DOCK8: variants seen among roughly 807,000 people sequenced by gnomAD.
The protein encoded by DOCK8 is dedicator of cytokinesis protein 8.
DOCK8 carries 141 observed loss-of-function variants against 245.6 expected under a neutral mutation model. The observed-to-expected ratio is 0.57, with a 90% CI of 0.50 to 0.66. The LOEUF (loss-of-function observed/expected upper bound fraction) is 0.66, where lower values mean the gene tolerates loss of function less well. Ranked by LOEUF, DOCK8 falls within the 30% of genes least tolerant of loss-of-function variation. The probability of loss-of-function intolerance (pLI) is 0.00; values close to 1 mark genes in which losing one functional copy is unlikely to be tolerated. For missense variants in DOCK8, 2,965 were observed against 2,603.4 expected, an observed-to-expected ratio of 1.14 and a Z score of -3.02; for synonymous variants, 1,168 against 970.2, an observed-to-expected ratio of 1.20 and a Z score of -3.79.
At chr9:390,632 T>A in intron 24 of DOCK8, 66 bp downstream of exon 24, 1 of 1,518,232 alleles carries the variant, frequency 6.6e-7, no homozygotes, top group Non-Finnish European at 9.1e-7. Context: ...AGAAAGGAAT[T>A]GACATTTTGT....
At chr9:384,606 A>T (rs1289471725) in intron 22 of DOCK8, among the ~76,000 whole-genome samples, 3 of 152,084 alleles carry the variant, frequency 2.0e-5, no homozygotes, top group African/African-American at 7.2e-5. Flanking sequence ...AGAACCATCT[A>T]CCCTGGGTCT....
chr9:255,881 G>C (rs1041237932), intron 1 of DOCK8, among the ~76,000 whole-genome samples: 7 of 151,972 alleles, frequency 4.6e-5, no homozygotes, highest in Admixed American at 4.6e-4. Flanking sequence ...TAGAAGGGTT[G>C]GTATTTTTAT....
chr9:214,814 G>C (rs1192879924), upstream of DOCK8: 2 of 1,594,660 alleles, frequency 1.3e-6, no homozygotes, highest in Non-Finnish European at 8.5e-7. Flanking sequence ...ACCCTCCCCC[G>C]GGGTGATTTC....
At chr9:247,153 T>A (rs1036230698) in intron 1 of DOCK8, among the ~76,000 whole-genome samples, 4 of 152,232 alleles carry the variant, frequency 2.6e-5, no homozygotes, top group African/African-American at 9.6e-5. Flanking sequence ...CACTTACAGC[T>A]GAATTGGAAT....
At chr9:290,487 C>T (rs896885372) in intron 4 of DOCK8, among the ~76,000 whole-genome samples, 19 of 152,252 alleles carry the variant, frequency 1.2e-4, no homozygotes, top group African/African-American at 2.9e-4. Flanking sequence ...AGGTGGCATT[C>T]GAGTTTATGA....
At chr9:403,166 G>A (rs922874755) in intron 26 of DOCK8, among the ~76,000 whole-genome samples, 4 of 152,206 alleles carry the variant, frequency 2.6e-5, no homozygotes, top group African/African-American at 9.7e-5. Context: ...TGGGATTACA[G>A]GTGTGAGCCA....
At chr9:236,609 G>C (rs2047255106) in intron 1 of DOCK8, among the ~76,000 whole-genome samples, 1 of 152,174 alleles carries the variant, frequency 6.6e-6, no homozygotes, top group Non-Finnish European at 1.5e-5. Flanking sequence ...CCAGGAGCCT[G>C]GCTTAAAGAA....
chr9:417,531 T>C (rs1215905983), intron 29 of DOCK8, among the ~76,000 whole-genome samples: 1 of 152,180 alleles, frequency 6.6e-6, no homozygotes, highest in Non-Finnish European at 1.5e-5. Context: ...GTAGCATTCT[T>C]AAAAACCAGA....
chr9:250,046 C>CT (rs2131458366), intron 1 of DOCK8, among the ~76,000 whole-genome samples: 2 of 152,244 alleles, frequency 1.3e-5, no homozygotes, highest in South Asian at 4.1e-4. Context: ...ATAGCACAGG[C>CT]TTTGGCAAGT....
intron 1 of DOCK8, 197 bp downstream of exon 1, chr9:215,226 G>A (rs1243849822): frequency 7.1e-6 from 11 of 1,555,836 alleles, no homozygotes; most frequent in Non-Finnish European, 9.5e-6. Context: ...CGCTGGGCCC[G>A]GCGAGGTCCT....
Position 449,905 on chromosome 9 carries a change from C to G in DOCK8, c.5939C>G (p.Ser1980Cys). ...ATGCTTCAGATGGTGCTGCAAGGCT[C>G]TGTGGGAGCTACTGTAAATCAGGTA... ...AKMLQMVLQGSVGATVNQGPL... is the reference protein window; with the variant it reads ...AKMLQMVLQGCVGATVNQGPL... The change falls in exon 45 of 48, where the codon TCT (serine) becomes TGT (cysteine). Residue 1980 changes from serine (S) to cysteine (C), a missense_variant. Ser to Cys is a moderately radical substitution (Grantham distance 112). Transcript: ENST00000432829. The G allele has an allele frequency of 6.2e-7, 1 of 1,613,932 alleles. No individual in the cohort carries two copies. The highest frequency in any genetic ancestry group is 8.5e-7 in the Non-Finnish European group (1 of 1,180,022).
At chr9:419,685 C>G (rs1366361334) in intron 30 of DOCK8, among the ~76,000 whole-genome samples, 1 of 152,156 alleles carries the variant, frequency 6.6e-6, no homozygotes, top group African/African-American at 2.4e-5. Context: ...CTGCATGAAC[C>G]AAGGGTGCAG....
intron 1 of DOCK8, among the ~76,000 whole-genome samples, chr9:258,888 A>G (rs546809633): frequency 1.9e-4 from 29 of 152,130 alleles, no homozygotes; most frequent in African/African-American, 7.0e-4. Flanking sequence ...GTGAGCCACC[A>G]TATCTGGCCC....
intron 1 of DOCK8, among the ~76,000 whole-genome samples, chr9:221,434 A>T (rs1000903165): frequency 1.1e-4 from 16 of 152,304 alleles, no homozygotes; most frequent in African/African-American, 3.8e-4. Flanking sequence ...TCTTGTCATT[A>T]TTCCATACAA....
At chr9:289,435 C>G in intron 3 of DOCK8, 75 bp from the exon 4 acceptor site, 2 of 1,178,526 alleles carry the variant, frequency 1.7e-6, no homozygotes, top group Non-Finnish European at 2.5e-6. Flanking sequence ...GTGTCATGTT[C>G]CTTGCTCATG....
intron 1 of DOCK8, among the ~76,000 whole-genome samples, chr9:223,485 C>T (rs1442181853): frequency 6.6e-6 from 1 of 152,142 alleles, no homozygotes; most frequent in African/African-American, 2.4e-5. Flanking sequence ...CCCTCCGTGA[C>T]TTCAAAGTAT....
chr9:303,395 T>C (rs748450584), intron 4 of DOCK8, among the ~76,000 whole-genome samples: 29 of 152,158 alleles, frequency 1.9e-4, no homozygotes, highest in Non-Finnish European at 3.4e-4. Flanking sequence ...TAGATGCCCA[T>C]CGACAGTGGA....
chr9:407,989 C>A (rs10974275), intron 28 of DOCK8, among the ~76,000 whole-genome samples: 1 of 152,130 alleles, frequency 6.6e-6, no homozygotes. Context: ...TAACAGAGAA[C>A]GAAATCTAAA....
At chr9:305,046 C>T (rs1163482760) in intron 5 of DOCK8, among the ~76,000 whole-genome samples, 1 of 152,150 alleles carries the variant, frequency 6.6e-6, no homozygotes, top group Non-Finnish European at 1.5e-5. Context: ...ATGCTGAGGC[C>T]AGAATACCTG....
Sources: gnomAD v4.1 joint callset for allele counts (sites outside exome capture counted in the v4.1 genomes callset) on GRCh38, gnomAD v4.1.1 for gene constraint, MANE v1.5 for transcripts, NCBI Gene and HGNC (gene_info 2026-07-23, HGNC 2026-07-21) for gene names.